The following VAPB variants were observed in gnomAD, a reference collection of about 807,000 sequenced individuals.
The protein encoded by VAPB is VAMP associated protein B and C.
VAPB carries 7 observed loss-of-function variants against 25.6 expected under a neutral mutation model. The ratio of observed to expected loss-of-function variants is 0.27; its 90% confidence interval spans 0.16 to 0.51. The LOEUF is 0.51. Ranked by LOEUF, VAPB falls within the 20% of genes least tolerant of loss-of-function variation. The probability of loss-of-function intolerance (pLI) is 0.97; values close to 1 mark genes in which losing one functional copy is unlikely to be tolerated. For missense variants in VAPB, 266 were observed against 301.3 expected, an observed-to-expected ratio of 0.88 and a Z score of 0.87; for synonymous variants, 112 against 109.2, an observed-to-expected ratio of 1.03 and a Z score of -0.16.
At chr20:58,404,471 C>T (rs1399477516) in intron 1 of VAPB, among the ~76,000 whole-genome samples, 2 of 152,198 alleles carry the variant, frequency 1.3e-5, no homozygotes, top group Non-Finnish European at 2.9e-5. Flanking sequence ...GTGCTCCTCA[C>T]CCTCCCCTTT....
chr20:58,406,039 G>A lies in VAPB; in HGVS notation c.59-12172G>A, dbSNP rs1217734836. Among the ~76,000 whole-genome samples, 3 of 152,074 alleles carry A rather than the reference G, an allele frequency of 2.0e-5. No individual in the cohort carries two copies. In the East Asian group the frequency reaches 5.8e-4, roughly 29 times the overall value. ...TGGCCTAAGCAGTTGGGTGAGTGGT[G>A]GTTTCTTTACTGAGATGAGAAGCAT... is the stretch of plus-strand genomic sequence containing the variant. On this transcript the variant is annotated intron_variant, in intron 1 of 5. Transcript: ENST00000475243.
At chr20:58,420,418 T>G (rs1219226220) in intron 2 of VAPB, among the ~76,000 whole-genome samples, 1 of 152,244 alleles carries the variant, frequency 6.6e-6, no homozygotes, top group African/African-American at 2.4e-5. Flanking sequence ...GTTGTGGCCT[T>G]CCTTTGGCAG....
intron 3 of VAPB, among the ~76,000 whole-genome samples, chr20:58,435,189 C>G (rs1001090768): frequency 1.3e-5 from 2 of 152,006 alleles, no homozygotes; most frequent in African/African-American, 4.8e-5. Flanking sequence ...TTATTTTCCC[C>G]CCTGCTTAAA....
chr20:58,434,323 C>T (rs549930213), intron 2 of VAPB, among the ~76,000 whole-genome samples: 4 of 152,260 alleles, frequency 2.6e-5, no homozygotes, highest in East Asian at 1.9e-4. Context: ...CAGACATTTA[C>T]GGTAGGCTTG....
intron 2 of VAPB, among the ~76,000 whole-genome samples, chr20:58,419,605 A>G (rs1201237350): frequency 2.6e-5 from 4 of 152,190 alleles, no homozygotes; most frequent in Non-Finnish European, 5.9e-5. Flanking sequence ...CTAGCAAATA[A>G]CAGAGCCAAG....
At chr20:58,405,842 C>T (rs1291710690) in intron 1 of VAPB, among the ~76,000 whole-genome samples, 4 of 150,088 alleles carry the variant, frequency 2.7e-5, no homozygotes, top group African/African-American at 9.9e-5. Flanking sequence ...GTAACCTCCC[C>T]CTCCCAGTTC....
chr20:58,420,507 T>G (rs556616861), intron 2 of VAPB, among the ~76,000 whole-genome samples: 3 of 152,316 alleles, frequency 2.0e-5, no homozygotes, highest in Admixed American at 6.5e-5. Flanking sequence ...TTGAAGCTAG[T>G]GGCTTGGCTC....
chr20:58,428,324 C>T lies in VAPB; in HGVS notation c.212-6278C>T, dbSNP rs183419535. Among the ~76,000 whole-genome samples the T allele has an allele frequency of 5.3e-5, 8 of 152,282 alleles. No individual in the cohort carries two copies. In the East Asian group the frequency reaches 7.7e-4, roughly 15 times the overall value. ...CAGGCTGTCTTCTGGTAACAGGCTT[C>T]TGTTTAGTGTAGTATCAGCAGATAC... On this transcript the variant is annotated intron_variant, in intron 2 of 5. Transcript: ENST00000475243.
intron 2 of VAPB, among the ~76,000 whole-genome samples, chr20:58,426,272 A>C (rs1219370532): frequency 1.3e-5 from 2 of 152,112 alleles, no homozygotes; most frequent in Non-Finnish European, 2.9e-5. Flanking sequence ...CTCATAGCTC[A>C]CTGTAGCCTC....
chr20:58,389,593 G>T (rs1987734431), intron 1 of VAPB, 76 bp downstream of exon 1: 22 of 1,475,932 alleles, frequency 1.5e-5, no homozygotes, highest in Admixed American at 2.2e-5. Flanking sequence ...CGGCGCGGCG[G>T]GTGACGTCGG....
chr20:58,400,936 A>G (rs1988082125), intron 1 of VAPB, among the ~76,000 whole-genome samples: 2 of 152,236 alleles, frequency 1.3e-5, no homozygotes, highest in Admixed American at 6.5e-5. Context: ...GTGCTTTACT[A>G]ATTGGATGAA....
Position 58,434,672 on chromosome 20 carries a change from T to G in VAPB, c.282T>G (p.Phe94Leu). Residue 94 changes from phenylalanine (F) to leucine (L), a missense_variant, in exon 3 of 6, where the codon TTT (phenylalanine) becomes TTG (leucine). Around this residue, in one of 3 missense-constraint regions of VAPB, gnomAD observed 98 missense variants for 147.1 expected, o/e 0.67. Coordinates refer to ENST00000475243, the MANE Select transcript of VAPB (RefSeq NM_004738.5). ...ACAAGTTTATGGTTCAGTCTATGTT[T>G]GCTCCAACTGACACTTCAGATATGG... ...SKHKFMVQSM[F>L]APTDTSDMEA... 1.9e-6 allele frequency: 3 copies of G among 1,590,288 alleles called. No individual in the cohort carries two copies. The South Asian group carries it at 3.3e-5, about 18-fold the overall frequency.
At chr20:58,419,711 T>A (rs1015329789) in intron 2 of VAPB, among the ~76,000 whole-genome samples, 16 of 152,332 alleles carry the variant, frequency 1.1e-4, no homozygotes, top group Middle Eastern at 3.4e-3. Context: ...TTCTGTATCC[T>A]CTGGATATGT....
intron 1 of VAPB, among the ~76,000 whole-genome samples, chr20:58,394,989 A>G (rs748517291): frequency 5.3e-5 from 8 of 152,220 alleles, no homozygotes; most frequent in Non-Finnish European, 1.0e-4. Flanking sequence ...TGAAGGCAGA[A>G]TACTGAGAAC....
At chr20:58,389,588 C>T in intron 1 of VAPB, 71 bp downstream of exon 1, 3 of 1,475,494 alleles carry the variant, frequency 2.0e-6, no homozygotes, top group South Asian at 1.3e-5. Context: ...GAGCCCGGCG[C>T]GGCGGGTGAC....
At chr20:58,417,952 A>G (rs1189350630) in intron 1 of VAPB, among the ~76,000 whole-genome samples, 2 of 152,174 alleles carry the variant, frequency 1.3e-5, no homozygotes, top group African/African-American at 4.8e-5. Context: ...AGCAATAATC[A>G]TAAAGTTGTG....
intron 2 of VAPB, among the ~76,000 whole-genome samples, chr20:58,428,659 G>A (rs1033541673): frequency 3.3e-5 from 5 of 152,062 alleles, no homozygotes; most frequent in Non-Finnish European, 7.4e-5. Context: ...TAAGTTAATG[G>A]CAAACTCTTT....
At chr20:58,421,327 T>G (rs1988663534) in intron 2 of VAPB, among the ~76,000 whole-genome samples, 1 of 152,232 alleles carries the variant, frequency 6.6e-6, no homozygotes, top group South Asian at 2.1e-4. Flanking sequence ...AAAAACCGGC[T>G]AGTTTTTGAA....
intron 3 of VAPB, among the ~76,000 whole-genome samples, chr20:58,436,327 CTTT>C (rs57100987): frequency 3.5e-5 from 4 of 114,966 alleles, no homozygotes; most frequent in African/African-American, 1.0e-4. Flanking sequence ...GTTTTTCTTC[CTTT>C]TTTTTTTTTT....
Sources: allele counts gnomAD v4.1 joint callset (sites outside exome capture counted in the v4.1 genomes callset), GRCh38; gene constraint gnomAD v4.1.1; regional missense constraint gnomAD v4.1.1; transcripts MANE v1.5; gene names NCBI Gene and HGNC (gene_info 2026-07-23, HGNC 2026-07-21).